Variants in MRPL3 observed in about 807,000 individuals in gnomAD.
The protein encoded by MRPL3 is large ribosomal subunit protein uL3m.
A neutral mutation model predicts 44.3 loss-of-function variants in MRPL3; 43 were observed. The ratio of observed to expected loss-of-function variants is 0.97; its 90% CI spans 0.76 to 1.25. MRPL3 has a LOEUF of 1.25. Among genes scored for constraint, MRPL3 ranks in the 50% most tolerant of loss-of-function variants. The probability of loss-of-function intolerance (pLI) is 0.00; values close to 1 mark genes in which losing one functional copy is unlikely to be tolerated. For missense variants in MRPL3, 406 were observed against 427.6 expected (o/e 0.95, Z 0.45); for synonymous variants, 171 against 152.3 (o/e 1.12, Z -0.91).
In MRPL3 at chr3:131,469,234, GCA is replaced by G. The variant is rs145773394; in HGVS notation, c.816+460_816+461del. 4.5e-3 allele frequency among the ~76,000 whole-genome samples: 614 copies of G among 135,862 alleles called. 2 individuals carry two copies. The highest frequency in any genetic ancestry group is 0.011 in the African/African-American group (425 of 38,448). The allele number at this position is 135,862 out of a possible 152,430, so 89.1% of individuals were successfully genotyped here. A position where few individuals can be genotyped will look rare whatever the true frequency, so the allele number is the denominator to read the frequency against. On this transcript the variant is annotated intron_variant, in intron 8 of 9. Coordinates refer to ENST00000264995, the MANE Select transcript of MRPL3 (RefSeq NM_007208.4). ...CCTCCTTACACTTACACACACACAC[GCA>G]CACACACACACACACATTTGATATA...
At chr3:131,473,180 G>A (rs1933778083) in intron 6 of MRPL3, among the ~76,000 whole-genome samples, 1 of 151,990 alleles carries the variant, frequency 6.6e-6, no homozygotes, top group African/African-American at 2.4e-5. Flanking sequence ...AAAGCTATAG[G>A]AGCCAAAACA....
chr3:131,485,995 G>C (rs1197192215), intron 6 of MRPL3, among the ~76,000 whole-genome samples: 1 of 152,042 alleles, frequency 6.6e-6, no homozygotes, highest in Non-Finnish European at 1.5e-5. Flanking sequence ...AGAAAACTGA[G>C]GCATCAAAAG....
intron 3 of MRPL3, among the ~76,000 whole-genome samples, chr3:131,499,348 T>C (rs1441046757): frequency 1.3e-5 from 2 of 152,222 alleles, no homozygotes; most frequent in Non-Finnish European, 2.9e-5. Flanking sequence ...ATGCTGCTGC[T>C]CAAGTTTTCT....
At position 131,462,739 on chromosome 3, in the gene MRPL3, G is replaced by A; in HGVS notation, c.1031C>T (p.Ser344Phe). Residue 344 changes from serine (S) to phenylalanine (F), a missense_variant, in exon 10 of 10, where the codon TCT (serine) becomes TTT (phenylalanine). Physicochemically the swap from Ser to Phe is radical, Grantham distance 155 (BLOSUM62 -2). Coordinates refer to ENST00000264995, the MANE Select transcript of MRPL3 (RefSeq NM_007208.4). ...DENVCQPGAP[S>F]ITFA The stretch of plus-strand genomic sequence containing the variant: ...CCAAAGATGTTAGGCAAATGTAATA[G>A]AAGGCGCACCGGGCTGACACACGTT... 6.2e-7 allele frequency: 1 copy of A among 1,611,118 alleles called. No homozygotes were observed. Among genetic ancestry groups the A allele is most frequent in the Non-Finnish European group, 8.5e-7 (1 of 1,178,274 alleles).
At chr3:131,499,732 A>T (rs1436687355) in intron 3 of MRPL3, among the ~76,000 whole-genome samples, 8 of 150,338 alleles carry the variant, frequency 5.3e-5, no homozygotes, top group Non-Finnish European at 1.0e-4. Flanking sequence ...ATCTTTCTAT[A>T]ATAATAATAA....
In MRPL3 at chr3:131,469,611, A is replaced by T. The variant is rs554306746; in HGVS notation, c.816+85T>A. The T allele has an allele frequency of 3.6e-4, 334 of 931,070 alleles. 1 individual carries two copies. The highest frequency in any genetic ancestry group is 6.5e-4 in the South Asian group (42 of 64,858). 57.7% of individuals were successfully genotyped at this position (931,070 alleles called of 1,614,324 possible). On this transcript the variant is annotated intron_variant, in intron 8 of 9. Coordinates refer to ENST00000264995, the MANE Select transcript of MRPL3 (RefSeq NM_007208.4). ...TTTTAAAGCCTCTTAGAACAATGGT[A>T]CAGACACAGATTAAATACATATTCT... is the stretch of plus-strand genomic sequence containing the variant.
At chr3:131,468,031 T>C in intron 9 of MRPL3, 60 bp downstream of exon 9, 1 of 865,884 alleles carries the variant, frequency 1.2e-6, no homozygotes, top group Non-Finnish European at 1.7e-6. Context: ...AGTAATTTGT[T>C]AGCTTGCGAG....
chr3:131,489,073 A>C (rs1359255394), intron 5 of MRPL3, among the ~76,000 whole-genome samples: 1 of 152,108 alleles, frequency 6.6e-6, no homozygotes. Context: ...AAAGAGTTTA[A>C]GAAAGTTAGA....
intron 6 of MRPL3, chr3:131,479,190 T>A (rs760370866): frequency 1.9e-6 from 1 of 519,140 alleles, no homozygotes. Context: ...CTGTCCCCCC[T>A]GCCTGGACAT....
intron 4 of MRPL3, among the ~76,000 whole-genome samples, chr3:131,496,571 A>G (rs1934375198): frequency 6.6e-6 from 1 of 152,138 alleles, no homozygotes; most frequent in African/African-American, 2.4e-5. Flanking sequence ...TCTTTCCTCC[A>G]AAGCTTCCCT....
At chr3:131,468,004 C>T in intron 9 of MRPL3, 87 bp downstream of exon 9, 1 of 666,118 alleles carries the variant, frequency 1.5e-6, no homozygotes, top group Non-Finnish European at 2.3e-6. Flanking sequence ...CATATATAAA[C>T]AATAGAAAAT....
In MRPL3 at chr3:131,499,520, A is replaced by G. The variant is rs548778992; in HGVS notation, c.369+910T>C. 1.6e-4 allele frequency among the ~76,000 whole-genome samples: 25 copies of G among 152,252 alleles called. No homozygotes were observed. In the South Asian group the frequency reaches 4.6e-3, roughly 28 times the overall value. On this transcript the variant is annotated intron_variant, in intron 3 of 9. Coordinates refer to ENST00000264995, the MANE Select transcript of MRPL3 (RefSeq NM_007208.4). ...CGCCAGTTTCTTCAGAGTTCACAAAACTATTGTCTTATACTTGATCATTCA... is the reference window on the plus strand; with the variant it reads ...CGCCAGTTTCTTCAGAGTTCACAAAGCTATTGTCTTATACTTGATCATTCA...
chr3:131,488,460 TA>T (rs1934178879), intron 5 of MRPL3, among the ~76,000 whole-genome samples: 1 of 152,144 alleles, frequency 6.6e-6, no homozygotes. Flanking sequence ...ATTGTTTACA[TA>T]AACTTGAAAG....
At chr3:131,494,231 G>T (rs748712235) in intron 4 of MRPL3, among the ~76,000 whole-genome samples, 48 of 152,164 alleles carry the variant, frequency 3.2e-4, no homozygotes, top group Non-Finnish European at 6.2e-4. Flanking sequence ...CCACAAGAGT[G>T]ATAACACAAA....
intron 6 of MRPL3, among the ~76,000 whole-genome samples, chr3:131,483,111 C>T (rs772628335): frequency 5.3e-5 from 8 of 151,612 alleles, no homozygotes; most frequent in Non-Finnish European, 1.0e-4. Context: ...ACTATTTATA[C>T]ATTATAGCTG....
chr3:131,479,748 G>A (rs1933937514), intron 6 of MRPL3, among the ~76,000 whole-genome samples: 2 of 152,330 alleles, frequency 1.3e-5, no homozygotes, highest in Non-Finnish European at 2.9e-5. Flanking sequence ...GGGAGGCTGA[G>A]GCAGGAGAAT....
rs186978149 is a variant in MRPL3, at chr3:131,478,962, G to C, written c.630-7683C>G. ...TCCACTCTAGCCTCCTAAAGTGCTG[G>C]GATTACAGGTGTGAGCCACTATGCC... On this transcript the variant is annotated intron_variant, in intron 6 of 9. Transcript: ENST00000264995. 544 of 343,424 alleles carry C rather than the reference G, an allele frequency of 1.6e-3. 2 individuals carry two copies. The highest frequency in any genetic ancestry group is 0.011 in the African/African-American group (525 of 45,692). 21.3% of individuals were successfully genotyped at this position (343,424 alleles called of 1,614,324 possible).
At chr3:131,464,320 A>G (rs149203144) in intron 9 of MRPL3, among the ~76,000 whole-genome samples, 204 of 152,334 alleles carry the variant, frequency 1.3e-3, no homozygotes, top group African/African-American at 4.4e-3. Context: ...AGACGACGGA[A>G]TCACTGTTTG....
chr3:131,468,063 GAA>G (rs374998359), intron 9 of MRPL3, 26 bp downstream of exon 9: 2 of 1,139,672 alleles, frequency 1.8e-6, no homozygotes, highest in Non-Finnish European at 2.4e-6. Context: ...AAAAAAAAAG[GAA>G]AAAAAAAGAA....
Sources: gnomAD v4.1 joint callset for allele counts (sites outside exome capture counted in the v4.1 genomes callset) on GRCh38, gnomAD v4.1.1 for gene constraint, MANE v1.5 for transcripts, NCBI Gene and HGNC (gene_info 2026-07-23, HGNC 2026-07-21) for gene names.